The following DDX17 variants were observed in gnomAD, a reference collection of about 807,000 sequenced individuals.
DDX17 encodes probable ATP-dependent RNA helicase DDX17.
In DDX17, 10 loss-of-function variants were observed where a neutral mutation model predicts 80.8. The observed-to-expected ratio is 0.12, with a 90% CI of 0.08 to 0.21. The LOEUF (loss-of-function observed/expected upper bound fraction) is 0.21. DDX17 is among the 10% of genes least tolerant of loss of function. The pLI, the probability that DDX17 is intolerant of heterozygous loss-of-function variation, is 1.00. For synonymous variants in DDX17, 339 were observed against 336.2 expected, an observed-to-expected ratio of 1.01 and a Z score of -0.09; for missense variants, 586 against 957.4, an observed-to-expected ratio of 0.61 and a Z score of 5.12.
In DDX17 at chr22:38,499,477, C is replaced by T. The variant is rs753839666; in HGVS notation, c.461G>A (p.Arg154Gln). ...CCCCCTCACTGTAATCTCCTTCTTT[C>T]GGCGTAGCTCATCAACCTCATACTA... The change falls in exon 3 of 13, where the codon CGA becomes CAA. Residue 154 changes from arginine to glutamine, a missense_variant. Arg to Gln is a conservative substitution (Grantham distance 43). Coordinates refer to ENST00000403230, the MANE Select transcript of DDX17 (RefSeq NM_006386.5). The T allele has an allele frequency of 1.2e-5, 19 of 1,613,500 alleles. No individual in the cohort carries two copies. Among genetic ancestry groups the T allele is most frequent in the East Asian group, 2.2e-5 (1 of 44,854 alleles).
chr22:38,506,286 C>T lies in DDX17; in HGVS notation c.-49G>A, dbSNP rs761613276. The T allele has an allele frequency of 4.6e-6, 7 of 1,516,666 alleles. No individual in the cohort carries two copies. Among genetic ancestry groups the T allele is most frequent in the Non-Finnish European group, 5.3e-6 (6 of 1,135,436 alleles). The allele number at this position is 1,516,666 out of a possible 1,614,324, so 94.0% of individuals were successfully genotyped here. On this transcript the variant is annotated 5_prime_UTR_variant, in exon 1 of 13. Transcript: ENST00000403230. Reference sequence around the variant, plus strand: ...AGTGCCGCGGTTTAGGCGTCTCCTTCCTTCCCAGCGACTGCACAAAATGGC... The same window carrying T: ...AGTGCCGCGGTTTAGGCGTCTCCTTTCTTCCCAGCGACTGCACAAAATGGC...
chr22:38,497,369 C>CG (rs2089779503), intron 5 of DDX17, among the ~76,000 whole-genome samples: 1 of 146,424 alleles, frequency 6.8e-6, no homozygotes, highest in Non-Finnish European at 1.5e-5. Context: ...GTAATCCCAG[C>CG]ACCTTGGGGA....
At chr22:38,504,179 CTATCA>C (rs940879178) in intron 1 of DDX17, among the ~76,000 whole-genome samples, 13 of 152,136 alleles carry the variant, frequency 8.5e-5, no homozygotes, top group Middle Eastern at 3.2e-3. Context: ...ACTCCCTTTC[CTATCA>C]TATTTGCACA....
intron 5 of DDX17, among the ~76,000 whole-genome samples, chr22:38,496,675 T>C (rs2089771410): frequency 1.3e-5 from 2 of 152,116 alleles, no homozygotes; most frequent in Admixed American, 6.6e-5. Context: ...TGGATGGTCA[T>C]CCTGACTTAA....
chr22:38,486,073 C>T lies in DDX17; in HGVS notation c.2052G>A (p.Arg684=). The T allele has an allele frequency of 6.2e-7, 1 of 1,614,080 alleles. No individual in the cohort carries two copies. The stretch of plus-strand genomic sequence containing the variant: ...TCAGTGGCTGTGGCTGCTGCCCAGA[C>T]CGGCCTATCCCACTAAACTGCTGGC... Residue 684 remains arginine, a synonymous_variant, in exon 13 of 13, where the codon CGG becomes CGA. Transcript: ENST00000403230.
chr22:38,503,042 C>G (rs529772128), intron 1 of DDX17, among the ~76,000 whole-genome samples: 2 of 152,270 alleles, frequency 1.3e-5, no homozygotes, highest in Admixed American at 1.3e-4. Flanking sequence ...TACCTACACT[C>G]AACAGGCAGA....
intron 4 of DDX17, 47 bp from the exon 5 acceptor site, chr22:38,498,197 C>G: frequency 6.3e-7 from 1 of 1,587,290 alleles, no homozygotes; most frequent in Non-Finnish European, 8.6e-7. Flanking sequence ...GAAGTACAAT[C>G]TTACTTAGAT....
Position 38,495,646 on chromosome 22 carries a change from T to A in DDX17, c.880+150A>T, listed in dbSNP as rs2089756220. The A allele has an allele frequency of 1.7e-6, 1 of 577,786 alleles. No homozygotes were observed. Among genetic ancestry groups the A allele is most frequent in the Non-Finnish European group, 2.8e-6 (1 of 351,388 alleles). 35.8% of individuals were successfully genotyped at this position (577,786 alleles called of 1,614,324 possible). A position where few individuals can be genotyped will look rare whatever the true frequency, so the allele number is the denominator to read the frequency against. Reference sequence around the variant, plus strand: ...TTCCAGCCATGCTGAACCTTCTCTCTCAAAATAGCTGTTTTAGTCACATCT... The same window carrying A: ...TTCCAGCCATGCTGAACCTTCTCTCACAAAATAGCTGTTTTAGTCACATCT... On this transcript the variant is annotated intron_variant, in intron 6 of 12. Transcript: ENST00000403230.
intron 1 of DDX17, among the ~76,000 whole-genome samples, chr22:38,501,949 A>AG (rs1461931831): frequency 6.6e-6 from 1 of 152,252 alleles, no homozygotes; most frequent in Non-Finnish European, 1.5e-5. Flanking sequence ...ATTGTGGACA[A>AG]GAAGGAAGAT....
At chr22:38,491,128 T>C (rs1484629086) in intron 11 of DDX17, 1 of 152,276 alleles carries the variant, frequency 6.6e-6, no homozygotes, top group Non-Finnish European at 1.5e-5. Context: ...AGAGAGAACT[T>C]TCCATCATGG....
At chr22:38,493,649 G>T in intron 10 of DDX17, 61 bp downstream of exon 10, 1 of 1,344,682 alleles carries the variant, frequency 7.4e-7, no homozygotes, top group South Asian at 1.2e-5. Context: ...AATAGAGCAT[G>T]AACATTCACT....
At chr22:38,502,122 C>G (rs1191199634) in intron 1 of DDX17, among the ~76,000 whole-genome samples, 1 of 152,214 alleles carries the variant, frequency 6.6e-6, no homozygotes, top group Non-Finnish European at 1.5e-5. Context: ...AATAAAAGAG[C>G]TGAGCCTGCC....
intron 9 of DDX17, 119 bp downstream of exon 9, chr22:38,493,902 A>T: frequency 8.3e-7 from 1 of 1,208,370 alleles, no homozygotes; most frequent in Non-Finnish European, 1.2e-6. Flanking sequence ...TGTGCTCATT[A>T]AAAGAGCAAA....
At chr22:38,490,490 G>C in intron 11 of DDX17, 1 of 1,260,450 alleles carries the variant, frequency 7.9e-7, no homozygotes, top group Non-Finnish European at 1.0e-6. Context: ...ACAGTGTGTA[G>C]TTCAAACAAA....
Position 38,488,318 on chromosome 22 carries a change from T to C in DDX17, c.1448-203A>G, listed in dbSNP as rs1443141013. The C allele has an allele frequency of 7.6e-6, 11 of 1,455,848 alleles. No homozygotes were observed. The East Asian group carries it at 1.9e-4, about 26-fold the overall frequency. 90.2% of individuals were successfully genotyped at this position (1,455,848 alleles called of 1,614,324 possible). A position where few individuals can be genotyped will look rare whatever the true frequency, so the allele number is the denominator to read the frequency against. ...GGATTACTGATTCCTGGGACATGCATAGGAAATAGGATCTTTATTGGCTGT... is the reference window on the plus strand; with the variant it reads ...GGATTACTGATTCCTGGGACATGCACAGGAAATAGGATCTTTATTGGCTGT... On this transcript the variant is annotated intron_variant, in intron 11 of 12. Coordinates refer to ENST00000403230, the MANE Select transcript of DDX17 (RefSeq NM_006386.5).
chr22:38,484,966 T>TGCATTTGAAAATA lies in DDX17; in HGVS notation c.*956_*968dup, dbSNP rs1195349245. ...AGTTGCTTTTAATCTAGCTCTACAC[T>TGCATTTGAAAATA]GCATTTGAAAATAAAATTTGCCCAT... On this transcript the variant is annotated 3_prime_UTR_variant, in exon 13 of 13. Coordinates refer to ENST00000403230, the MANE Select transcript of DDX17 (RefSeq NM_006386.5). 2.0e-5 allele frequency: 3 copies of TGCATTTGAAAATA among 152,254 alleles called. No individual in the cohort carries two copies. The highest frequency in any genetic ancestry group is 4.4e-5 in the Non-Finnish European group (3 of 68,036). 9.4% of individuals were successfully genotyped at this position (152,254 alleles called of 1,614,324 possible).
At chr22:38,488,565 A>T in intron 11 of DDX17, 1 of 996,010 alleles carries the variant, frequency 1.0e-6, no homozygotes, top group Middle Eastern at 5.2e-4. Context: ...TACCAACAAC[A>T]TAACAAACTT....
At chr22:38,505,657 C>G in intron 1 of DDX17, 1 of 395,676 alleles carries the variant, frequency 2.5e-6, no homozygotes, top group Non-Finnish European at 4.5e-6. Context: ...CGGGCCTGGG[C>G]TGATGCGGCC....
At chr22:38,488,277 C>T in intron 11 of DDX17, 162 bp from the exon 12 acceptor site, 3 of 1,525,330 alleles carry the variant, frequency 2.0e-6, no homozygotes, top group Non-Finnish European at 2.6e-6. Flanking sequence ...AAGACTCATC[C>T]CAACAGAGTA....
Sources: gnomAD v4.1 joint callset for allele counts (sites outside exome capture counted in the v4.1 genomes callset) on GRCh38, gnomAD v4.1.1 for gene constraint, MANE v1.5 for transcripts, NCBI Gene and HGNC (gene_info 2026-07-23, HGNC 2026-07-21) for gene names.